The following ADAMTS13 variants were observed in gnomAD, a reference collection of about 807,000 sequenced individuals.
ADAMTS13 encodes A disintegrin and metalloproteinase with thrombospondin motifs 13.
A neutral mutation model predicts 155.1 loss-of-function variants in ADAMTS13; 110 were observed. The ratio of observed to expected loss-of-function variants is 0.71; its 90% CI spans 0.61 to 0.83. The LOEUF is 0.83. ADAMTS13 is among the 40% of genes least tolerant of loss of function. The pLI is 0.00. For synonymous variants in ADAMTS13, 758 were observed against 756.4 expected (o/e 1.00, Z -0.03); for missense variants, 1,707 against 1,891.7 (o/e 0.90, Z 1.81).
chr9:133,442,612 A>G lies in ADAMTS13; in HGVS notation c.2105-2A>G. 2.5e-6 allele frequency: 4 copies of G among 1,613,220 alleles called. No homozygotes were observed. The highest frequency in any genetic ancestry group is 3.4e-6 in the Non-Finnish European group (4 of 1,179,986). ...GGCCTAGCCCTCCCTCTTCCCTCCC[A>G]GGGCTGCGCTGGGTAAACTACAGCT... On this transcript the variant is annotated splice_acceptor_variant, in intron 17 of 28. Coordinates refer to ENST00000355699, the MANE Select transcript of ADAMTS13 (RefSeq NM_139027.6). LOFTEE classifies it high-confidence loss of function.
At chr9:133,443,262 C>T (rs1017384287) in intron 18 of ADAMTS13, 114 bp from the exon 19 acceptor site, 74 of 1,322,692 alleles carry the variant, frequency 5.6e-5, no homozygotes, top group Middle Eastern at 5.0e-4. Flanking sequence ...CTAGGCTGGC[C>T]GTAGTGCCCA....
Position 133,436,819 on chromosome 9 carries a change from T to G in ADAMTS13, c.1309-10T>G. 8.1e-7 allele frequency: 1 copy of G among 1,237,622 alleles called. No individual in the cohort carries two copies. Among genetic ancestry groups the G allele is most frequent in the Non-Finnish European group, 1.1e-6 (1 of 945,778 alleles). The allele number at this position is 1,237,622 out of a possible 1,614,324, so 76.7% of individuals were successfully genotyped here. A position where few individuals can be genotyped will look rare whatever the true frequency, so the allele number is the denominator to read the frequency against. ...ACCGCCATCCCCCTCCTCTGCCTCC[T>G]CCTGGCCAGGCCTGCGAGAAGACCC... On this transcript the variant is annotated splice_polypyrimidine_tract_variant and intron_variant, in intron 11 of 28. Coordinates refer to ENST00000355699, the MANE Select transcript of ADAMTS13 (RefSeq NM_139027.6).
intron 12 of ADAMTS13, among the ~76,000 whole-genome samples, chr9:133,437,450 G>T (rs587612799): frequency 4.0e-4 from 61 of 152,294 alleles, no homozygotes; most frequent in African/African-American, 1.3e-3. Context: ...TAGAGATGGG[G>T]TTTCGCCATG....
At chr9:133,430,983 T>C (rs933534104) in intron 8 of ADAMTS13, among the ~76,000 whole-genome samples, 3 of 152,124 alleles carry the variant, frequency 2.0e-5, no homozygotes, top group African/African-American at 7.2e-5. Context: ...TAAATTCTTT[T>C]GAGACAGGGC....
At chr9:133,448,879 C>A in intron 22 of ADAMTS13, 151 bp downstream of exon 22, 1 of 1,313,658 alleles carries the variant, frequency 7.6e-7, no homozygotes, top group Non-Finnish European at 1.0e-6. Context: ...CATCCCCCTG[C>A]CTCACTCCAA....
chr9:133,423,193 C>T lies in ADAMTS13; in HGVS notation c.172+26C>T, dbSNP rs200927561. ...GTACTTGTCCTGGTGTCTTCTCTCC[C>T]GGGGGGAGTTTCTCAGGACTTTCAA... is the stretch of plus-strand genomic sequence containing the variant. On this transcript the variant is annotated intron_variant, in intron 2 of 28. Transcript: ENST00000355699. The T allele has an allele frequency of 1.4e-4, 222 of 1,608,570 alleles. 2 individuals carry two copies. In the South Asian group the frequency reaches 1.9e-3, roughly 14 times the overall value.
chr9:133,455,588 A>G (rs1842692394), intron 25 of ADAMTS13, 153 bp downstream of exon 25: 1 of 1,603,402 alleles, frequency 6.2e-7, no homozygotes, highest in African/African-American at 1.3e-5. Context: ...GCCCCAGGAA[A>G]ACTCAGTGCA....
At position 133,445,633 on chromosome 9, in the gene ADAMTS13, C is replaced by T. The variant is rs587713438; in HGVS notation, c.2611-66C>T. On this transcript the variant is annotated intron_variant, in intron 20 of 28. Transcript: ENST00000355699. The surrounding 1 kb of genome is among the most constrained non-coding windows in gnomAD (Gnocchi z 5.0). ...TCTCTCTGCTGCTGCCTGAGAAGAT[C>T]GAGACGGGGATCGCTGGGTCCTCAG... The T allele has an allele frequency of 1.9e-4, 299 of 1,610,452 alleles. 2 individuals are homozygous for T. The highest frequency in any genetic ancestry group is 1.8e-3 in the South Asian group (166 of 90,796).
In ADAMTS13 at chr9:133,442,128, G is replaced by GC. The variant is rs1328390442; in HGVS notation, c.1969-271_1969-270insC. 7.2e-5 allele frequency among the ~76,000 whole-genome samples: 11 copies of GC among 152,200 alleles called. No homozygotes were observed. In the East Asian group the frequency reaches 2.1e-3, roughly 29 times the overall value. On this transcript the variant is annotated intron_variant, in intron 16 of 28. Coordinates refer to ENST00000355699, the MANE Select transcript of ADAMTS13 (RefSeq NM_139027.6). ...GCTTCCCGTTATTTTTGTCTTTGTT[G>GC]TTTTTTTAGAGAGGGTCTCACTGTT...
At chr9:133,457,662 C>T (rs1842825953) in intron 27 of ADAMTS13, among the ~76,000 whole-genome samples, 2 of 152,360 alleles carry the variant, frequency 1.3e-5, no homozygotes, top group South Asian at 4.1e-4. Flanking sequence ...CTAAAGACCA[C>T]TCTGCTCAGT....
chr9:133,426,768 G>A (rs1840307775), intron 6 of ADAMTS13, among the ~76,000 whole-genome samples: 1 of 151,732 alleles, frequency 6.6e-6, no homozygotes, highest in Non-Finnish European at 1.5e-5. Flanking sequence ...ATTATGCTGT[G>A]CATTGCTTTG....
intron 11 of ADAMTS13, among the ~76,000 whole-genome samples, chr9:133,436,206 C>T (rs115388212): frequency 0.015 from 2,308 of 151,920 alleles, 56 homozygotes; most frequent in African/African-American, 0.051. Context: ...TCTCCTGCTT[C>T]GATGGCCCTG....
chr9:133,427,744 C>T (rs1288867063), intron 6 of ADAMTS13, among the ~76,000 whole-genome samples: 2 of 152,304 alleles, frequency 1.3e-5, no homozygotes, highest in Non-Finnish European at 2.9e-5. Context: ...CCTTTTGAAG[C>T]CAGGCTACCC....
At chr9:133,453,890 T>A (rs1842589834) in intron 23 of ADAMTS13, among the ~76,000 whole-genome samples, 1 of 151,928 alleles carries the variant, frequency 6.6e-6, no homozygotes, top group Non-Finnish European at 1.5e-5. Context: ...TGCAGGGTCA[T>A]GGGGGAGCAC....
chr9:133,458,213 G>T (rs1485241410), intron 28 of ADAMTS13, 119 bp downstream of exon 28: 21 of 1,227,910 alleles, frequency 1.7e-5, no homozygotes, highest in Non-Finnish European at 2.4e-5. Context: ...ATTAGTGAAA[G>T]AATGGGAGAA....
In ADAMTS13 at chr9:133,440,305, C is replaced by T; in HGVS notation, c.1787-39C>T. 4 of 1,612,878 alleles carry T rather than the reference C, an allele frequency of 2.5e-6. No homozygotes were observed. Among genetic ancestry groups the T allele is most frequent in the South Asian group, 1.1e-5 (1 of 91,074 alleles). The stretch of plus-strand genomic sequence containing the variant: ...CATGTGCCTGTGAGGAGGATGGGTG[C>T]TCAGCTCCACACAGCTAACAGGGCT... On this transcript the variant is annotated intron_variant, in intron 15 of 28. Transcript: ENST00000355699. The surrounding 1 kb of genome is among the most constrained non-coding windows in gnomAD (Gnocchi z 4.3).
chr9:133,443,394 C>G lies in ADAMTS13; in HGVS notation c.2253C>G (p.Phe751Leu). ...PCPPYWAVGD[F>L]GPCSASCGGG... ...TCCTCAGCTGGGCGGTGGGAGACTT[C>G]GGCCCATGCAGCGCCTCCTGTGGGG... Residue 751 changes from phenylalanine to leucine, a missense_variant, in exon 19 of 29, where the codon TTC becomes TTG. Around this residue, in one of 3 missense-constraint regions of ADAMTS13, gnomAD observed 961 missense variants for 1,107.9 expected, o/e 0.87. Coordinates refer to ENST00000355699, the MANE Select transcript of ADAMTS13 (RefSeq NM_139027.6). The G allele has an allele frequency of 1.3e-6, 2 of 1,597,978 alleles. No individual in the cohort carries two copies. The highest frequency in any genetic ancestry group is 1.7e-6 in the Non-Finnish European group (2 of 1,177,564).
Position 133,423,129 on chromosome 9 carries a change from C to A in ADAMTS13, c.134C>A (p.Ala45Asp), listed in dbSNP as rs782570157. The stretch of plus-strand genomic sequence containing the variant: ...TGTCTTCAGGCTTTGGAGCCACAGG[C>A]CGTGTCTTCTTACTTGAGCCCTGGT... ...QSCLQALEPQAVSSYLSPGAP... is the reference protein window; with the variant it reads ...QSCLQALEPQDVSSYLSPGAP... The change falls in exon 2 of 29, where the codon GCC (alanine) becomes GAC (aspartate). Residue 45 changes from alanine to aspartate, a missense_variant. Coordinates refer to ENST00000355699, the MANE Select transcript of ADAMTS13 (RefSeq NM_139027.6). 8.1e-6 allele frequency: 13 copies of A among 1,613,768 alleles called. No homozygotes were observed. The highest frequency in any genetic ancestry group is 1.1e-5 in the Non-Finnish European group (13 of 1,179,984).
At chr9:133,432,001 C>T (rs1317904789) in intron 8 of ADAMTS13, among the ~76,000 whole-genome samples, 6 of 151,606 alleles carry the variant, frequency 4.0e-5, no homozygotes, top group East Asian at 3.9e-4. Context: ...TGGTGGCTCA[C>T]GCCTGTAATC....
Sources: allele counts gnomAD v4.1 joint callset (sites outside exome capture counted in the v4.1 genomes callset), GRCh38; gene constraint gnomAD v4.1.1; regional missense constraint gnomAD v4.1.1; non-coding constraint Gnocchi (gnomAD v3.1); transcripts MANE v1.5; gene names NCBI Gene and HGNC (gene_info 2026-07-23, HGNC 2026-07-21).